Variants in KLF7 observed in about 807,000 individuals in gnomAD.
The protein encoded by KLF7 is KLF transcription factor 7.
Under a neutral mutation model 27.3 loss-of-function variants are expected in KLF7, and 2 were observed. The observed-to-expected ratio is 0.07, with a 90% CI of 0.03 to 0.23. The LOEUF is 0.23. Ranked by LOEUF, KLF7 falls within the 10% of genes least tolerant of loss-of-function variation. KLF7 has a pLI of 1.00. For synonymous variants in KLF7, 165 were observed against 162.4 expected (o/e 1.02, Z -0.12); for missense variants, 221 against 394.1 (o/e 0.56, Z 3.72).
chr2:207,170,655 G>T (rs746076627), upstream of KLF7, among the ~76,000 whole-genome samples: 56 of 151,934 alleles, frequency 3.7e-4, no homozygotes, highest in Non-Finnish European at 7.5e-4. Flanking sequence ...AAAGTTGTAG[G>T]GCCCTTAAGA....
intron 1 of KLF7, among the ~76,000 whole-genome samples, chr2:207,154,302 T>TA (rs1053239892): frequency 1.3e-5 from 2 of 151,886 alleles, no homozygotes; most frequent in Admixed American, 1.3e-4. Flanking sequence ...TTCTGGCTCT[T>TA]AAAAAAAATA....
At position 207,100,459 on chromosome 2, in the gene KLF7, G is replaced by A. The variant is rs114608155; in HGVS notation, c.734-11878C>T. ...GTTGTTTTGACACATAATAATCTAG[G>A]ATAGACGCTCTTCACATACCACTGC... On this transcript the variant is annotated intron_variant, in intron 2 of 3. Coordinates refer to ENST00000309446, the MANE Select transcript of KLF7 (RefSeq NM_003709.4). Among the ~76,000 whole-genome samples, 983 of 152,068 alleles carry A rather than the reference G, an allele frequency of 6.5e-3. 16 individuals carry two copies. Among genetic ancestry groups the A allele is most frequent in the African/African-American group, 0.022 (931 of 41,470 alleles).
At chr2:207,157,931 G>C (rs1217907821) in intron 1 of KLF7, among the ~76,000 whole-genome samples, 16 of 152,208 alleles carry the variant, frequency 1.1e-4, no homozygotes, top group Admixed American at 1.0e-3. Context: ...CGTGGAAGAA[G>C]TTGATGAGTT....
intron 1 of KLF7, among the ~76,000 whole-genome samples, chr2:207,161,026 T>TA (rs1256481730): frequency 5.3e-5 from 8 of 152,160 alleles, no homozygotes; most frequent in South Asian, 2.1e-4. Context: ...ACAGATGTAG[T>TA]AAAAAATAAC....
chr2:207,085,001 A>G (rs1234060516), intron 3 of KLF7, among the ~76,000 whole-genome samples: 1 of 151,792 alleles, frequency 6.6e-6, no homozygotes, highest in African/African-American at 2.4e-5. Flanking sequence ...TGTCTTTACT[A>G]AAACTACAAA....
At chr2:207,149,911 A>T (rs2078196176) in intron 1 of KLF7, among the ~76,000 whole-genome samples, 1 of 152,204 alleles carries the variant, frequency 6.6e-6, no homozygotes, top group Non-Finnish European at 1.5e-5. Context: ...GTAGACATAT[A>T]GGTAAGTCCA....
Position 207,139,228 on chromosome 2 carries a change from T to C in KLF7, c.103-14824A>G, listed in dbSNP as rs138634884. On this transcript the variant is annotated intron_variant, in intron 1 of 3. Transcript: ENST00000309446. ...TGGGATTTTTCCAATCCATTCCATA[T>C]GAAATGACATACATTTCTTTTTTCT... 3.0e-3 allele frequency among the ~76,000 whole-genome samples: 461 copies of C among 152,330 alleles called. 3 individuals are homozygous for C. The highest frequency in any genetic ancestry group is 5.5e-3 in the Non-Finnish European group (373 of 68,024).
At chr2:207,094,299 T>A (rs1379827802) in intron 2 of KLF7, among the ~76,000 whole-genome samples, 1 of 152,220 alleles carries the variant, frequency 6.6e-6, no homozygotes, top group Non-Finnish European at 1.5e-5. Flanking sequence ...CTAAAGAGAT[T>A]AGGATTTTGA....
upstream of KLF7, among the ~76,000 whole-genome samples, chr2:207,168,203 G>C (rs533341679): frequency 2.7e-4 from 41 of 152,298 alleles, no homozygotes; most frequent in African/African-American, 9.9e-4. Flanking sequence ...AGACTCAAGT[G>C]AACTTATTTT....
At chr2:207,128,982 A>C (rs1031644128) in intron 1 of KLF7, among the ~76,000 whole-genome samples, 1 of 152,234 alleles carries the variant, frequency 6.6e-6, no homozygotes, top group Admixed American at 6.5e-5. Context: ...TAATGGTATT[A>C]TATCAATGAT....
intron 1 of KLF7, chr2:207,134,282 A>T: frequency 1.7e-6 from 1 of 604,514 alleles, no homozygotes; most frequent in Non-Finnish European, 2.8e-6. Context: ...ACACAGACAC[A>T]TACGATTACT....
chr2:207,098,498 A>G (rs1182243474), intron 2 of KLF7, among the ~76,000 whole-genome samples: 1 of 152,198 alleles, frequency 6.6e-6, no homozygotes, highest in Non-Finnish European at 1.5e-5. Flanking sequence ...AAATTTGATT[A>G]TTAAAAAACG....
chr2:207,114,808 G>A (rs981561966), intron 2 of KLF7, among the ~76,000 whole-genome samples: 1 of 152,170 alleles, frequency 6.6e-6, no homozygotes, highest in Non-Finnish European at 1.5e-5. Flanking sequence ...AGCTAAGGAT[G>A]GCTTCTGGTT....
chr2:207,134,233 G>A, intron 1 of KLF7: 1 of 970,256 alleles, frequency 1.0e-6, no homozygotes, highest in Non-Finnish European at 1.5e-6. Context: ...TTCTCAGTTG[G>A]GTTAATTAAT....
chr2:207,159,244 T>C (rs2284928), intron 1 of KLF7, among the ~76,000 whole-genome samples: 56,310 of 152,070 alleles, frequency 0.37, 11,674 homozygotes, highest in African/African-American at 0.56. Context: ...CCATTATGGA[T>C]ATGTGTATTC....
chr2:207,131,472 T>C (rs1225327820), intron 1 of KLF7, among the ~76,000 whole-genome samples: 1 of 152,216 alleles, frequency 6.6e-6, no homozygotes, highest in Non-Finnish European at 1.5e-5. Context: ...AGAATGGAAA[T>C]TCAGAGTGAC....
intron 1 of KLF7, among the ~76,000 whole-genome samples, chr2:207,143,583 T>A (rs1246227322): frequency 6.6e-6 from 1 of 152,246 alleles, no homozygotes; most frequent in Non-Finnish European, 1.5e-5. Context: ...CACCCATTCC[T>A]GTAGACATGC....
At chr2:207,144,450 A>C (rs1469066274) in intron 1 of KLF7, among the ~76,000 whole-genome samples, 1 of 152,198 alleles carries the variant, frequency 6.6e-6, no homozygotes, top group Non-Finnish European at 1.5e-5. Context: ...TAATAGCTCT[A>C]CTTCATGAAA....
chr2:207,130,233 C>T (rs2077590354), intron 1 of KLF7, among the ~76,000 whole-genome samples: 1 of 152,044 alleles, frequency 6.6e-6, no homozygotes, highest in Admixed American at 6.5e-5. Context: ...ATCATTCTTT[C>T]ATTCAAAGTT....
Sources: gnomAD v4.1 joint callset for allele counts (sites outside exome capture counted in the v4.1 genomes callset) on GRCh38, gnomAD v4.1.1 for gene constraint, MANE v1.5 for transcripts, NCBI Gene and HGNC (gene_info 2026-07-23, HGNC 2026-07-21) for gene names.